Variants in PDZRN4 observed in about 807,000 individuals in gnomAD.
PDZRN4 encodes the protein PDZ domain-containing RING finger protein 4.
PDZRN4 carries 70 observed loss-of-function variants against 99.0 expected under a neutral mutation model. The ratio of observed to expected loss-of-function variants is 0.71; its 90% CI spans 0.58 to 0.86. The LOEUF (loss-of-function observed/expected upper bound fraction) is 0.86, where lower values mean the gene tolerates loss of function less well. Ranked by LOEUF, PDZRN4 falls within the 40% of genes least tolerant of loss-of-function variation. PDZRN4 has a pLI of 0.00. For synonymous variants in PDZRN4, 551 were observed against 501.6 expected (o/e 1.10, Z -1.32); for missense variants, 1,474 against 1,331.2 (o/e 1.11, Z -1.67).
intron 3 of PDZRN4, among the ~76,000 whole-genome samples, chr12:41,484,903 A>G (rs1191373811): frequency 6.6e-6 from 1 of 152,094 alleles, no homozygotes; most frequent in African/African-American, 2.4e-5. Context: ...CAACAAAGTG[A>G]CTTGCGTCTT....
chr12:41,285,619 G>A (rs769720478), intron 3 of PDZRN4, among the ~76,000 whole-genome samples: 19 of 152,062 alleles, frequency 1.2e-4, no homozygotes, highest in Non-Finnish European at 1.6e-4. Context: ...AACCATCAAC[G>A]TTAGACTGGA....
intron 7 of PDZRN4, among the ~76,000 whole-genome samples, chr12:41,558,393 C>A (rs541036399): frequency 6.6e-6 from 1 of 152,334 alleles, no homozygotes; most frequent in Admixed American, 6.5e-5. Flanking sequence ...ACTTCTTCCT[C>A]TTGCCATCTA....
chr12:41,391,940 G>A (rs1289729331), intron 3 of PDZRN4, among the ~76,000 whole-genome samples: 1 of 152,138 alleles, frequency 6.6e-6, no homozygotes, highest in African/African-American at 2.4e-5. Flanking sequence ...TTTCTTAGTA[G>A]CACAGGACTT....
intron 5 of PDZRN4, among the ~76,000 whole-genome samples, chr12:41,548,446 G>A (rs1427375994): frequency 6.6e-6 from 1 of 152,204 alleles, no homozygotes; most frequent in African/African-American, 2.4e-5. Context: ...TTGAGTAAAA[G>A]TGCATGTATT....
intron 5 of PDZRN4, among the ~76,000 whole-genome samples, chr12:41,538,718 T>C (rs992249981): frequency 6.6e-5 from 10 of 152,264 alleles, no homozygotes; most frequent in Admixed American, 5.9e-4. Flanking sequence ...TTAAAATTAG[T>C]TTGATGAATA....
chr12:41,253,177 A>G (rs754093813), intron 3 of PDZRN4, among the ~76,000 whole-genome samples: 1 of 152,152 alleles, frequency 6.6e-6, no homozygotes, highest in Non-Finnish European at 1.5e-5. Flanking sequence ...ACTTGATGTC[A>G]TCCCAGTTGT....
At chr12:41,522,655 A>G (rs1938512713) in intron 5 of PDZRN4, among the ~76,000 whole-genome samples, 1 of 152,202 alleles carries the variant, frequency 6.6e-6, no homozygotes, top group South Asian at 2.1e-4. Context: ...AAAGAAAAGA[A>G]AGCCATACGT....
At chr12:41,461,226 T>C (rs1369316073) in intron 3 of PDZRN4, among the ~76,000 whole-genome samples, 1 of 151,920 alleles carries the variant, frequency 6.6e-6, no homozygotes. Flanking sequence ...TCAACTTTCA[T>C]TTTAAATTTC....
intron 3 of PDZRN4, among the ~76,000 whole-genome samples, chr12:41,271,443 G>A (rs12312488): frequency 0.16 from 23,914 of 151,982 alleles, 3,022 homozygotes; most frequent in African/African-American, 0.35. Flanking sequence ...TTGAAAAGTC[G>A]TTCTTCCCTG....
intron 3 of PDZRN4, among the ~76,000 whole-genome samples, chr12:41,499,439 A>G (rs1026628587): frequency 6.6e-6 from 1 of 152,138 alleles, no homozygotes; most frequent in Admixed American, 6.6e-5. Flanking sequence ...AAGAATCAGA[A>G]CATACCATAA....
At chr12:41,350,002 G>C (rs1391413380) in intron 3 of PDZRN4, among the ~76,000 whole-genome samples, 2 of 151,986 alleles carry the variant, frequency 1.3e-5, no homozygotes, top group Non-Finnish European at 2.9e-5. Flanking sequence ...GAATACTTTA[G>C]ATTTTATCCT....
chr12:41,505,720 T>C (rs958153869), intron 3 of PDZRN4, among the ~76,000 whole-genome samples: 19 of 149,494 alleles, frequency 1.3e-4, no homozygotes, highest in Admixed American at 6.6e-4. Flanking sequence ...CCTTGGAGAG[T>C]CATGAATTGG....
At chr12:41,331,349 A>G (rs1565553961) in intron 3 of PDZRN4, among the ~76,000 whole-genome samples, 1 of 152,154 alleles carries the variant, frequency 6.6e-6, no homozygotes, top group African/African-American at 2.4e-5. Context: ...ATATACAAAT[A>G]TGTCAATGAC....
intron 3 of PDZRN4, among the ~76,000 whole-genome samples, chr12:41,464,885 C>T (rs558705950): frequency 2.0e-4 from 27 of 138,094 alleles, no homozygotes; most frequent in African/African-American, 6.9e-4. Context: ...AATGTAGTGG[C>T]GTGATCTCAG....
intron 3 of PDZRN4, among the ~76,000 whole-genome samples, chr12:41,330,120 TAAA>T (rs1951733192): frequency 6.6e-6 from 1 of 152,132 alleles, no homozygotes; most frequent in Non-Finnish European, 1.5e-5. Flanking sequence ...ATGTATTGTT[TAAA>T]AAATTTTATG....
intron 3 of PDZRN4, among the ~76,000 whole-genome samples, chr12:41,206,644 T>G (rs966961315): frequency 6.6e-6 from 1 of 151,758 alleles, no homozygotes; most frequent in African/African-American, 2.4e-5. Context: ...ATTTAATGAA[T>G]ACATTGGTAC....
chr12:41,459,978 G>T, intron 3 of PDZRN4: 1 of 1,287,672 alleles, frequency 7.8e-7, no homozygotes. Context: ...ATGCTATTCT[G>T]CATGAAATTG....
intron 3 of PDZRN4, among the ~76,000 whole-genome samples, chr12:41,482,864 G>A (rs1037238195): frequency 5.3e-5 from 8 of 152,020 alleles, no homozygotes; most frequent in Non-Finnish European, 5.9e-5. Flanking sequence ...GTGAGGCTGG[G>A]TATGAGGGAA....
intron 3 of PDZRN4, among the ~76,000 whole-genome samples, chr12:41,246,434 A>G (rs1254680590): frequency 6.6e-6 from 1 of 152,224 alleles, no homozygotes; most frequent in East Asian, 1.9e-4. Flanking sequence ...ATGGATGGAT[A>G]TTAATCTAAA....
Sources: allele counts gnomAD v4.1 joint callset (sites outside exome capture counted in the v4.1 genomes callset), GRCh38; gene constraint gnomAD v4.1.1; transcripts MANE v1.5; gene names NCBI Gene and HGNC (gene_info 2026-07-23, HGNC 2026-07-21).